The following MLLT10 variants were observed in gnomAD, a reference collection of about 807,000 sequenced individuals.
MLLT10 encodes MLLT10 histone lysine methyltransferase DOT1L cofactor, also known as protein AF-10.
A neutral mutation model predicts 129.1 loss-of-function variants in MLLT10; 30 were observed. That is an observed-to-expected ratio of 0.23 (90% CI 0.17 to 0.32). MLLT10 has a LOEUF of 0.32. Among genes scored for constraint, MLLT10 ranks in the 10% least tolerant of loss-of-function variants. The pLI, the probability that MLLT10 is intolerant of heterozygous loss-of-function variation, is 1.00. For synonymous variants in MLLT10, 490 were observed against 446.4 expected (o/e 1.10, Z -1.23); for missense variants, 1,119 against 1,268.3 (o/e 0.88, Z 1.79).
intron 3 of MLLT10, among the ~76,000 whole-genome samples, chr10:21,585,822 C>T (rs1043663989): frequency 4.6e-5 from 7 of 152,142 alleles, no homozygotes; most frequent in African/African-American, 1.4e-4. Flanking sequence ...AGTGCAATGG[C>T]GCGATCTTGG....
intron 6 of MLLT10, among the ~76,000 whole-genome samples, chr10:21,614,599 G>A (rs1393501156): frequency 2.0e-5 from 3 of 152,160 alleles, no homozygotes; most frequent in African/African-American, 7.2e-5. Context: ...AATATGAGAT[G>A]TGTGAAGAGT....
intron 8 of MLLT10, chr10:21,626,327 G>C (rs1220933787): frequency 3.0e-5 from 26 of 872,494 alleles, no homozygotes; most frequent in Non-Finnish European, 4.7e-5. Flanking sequence ...GTGAGAACCA[G>C]TGCAAGGCAT....
In MLLT10 at chr10:21,619,960, T is replaced by C. The variant is rs529083593; in HGVS notation, c.699+2753T>C. 1.0e-3 allele frequency among the ~76,000 whole-genome samples: 152 copies of C among 150,818 alleles called. 1 individual carries two copies. The highest frequency in any genetic ancestry group is 3.5e-3 in the African/African-American group (145 of 41,072). ...TTTTTTTTTTTTTTGTCGCTTAGGC[T>C]GGAGTGTCGCCCAGGCTGGAGTGCA... is the stretch of plus-strand genomic sequence containing the variant. On this transcript the variant is annotated intron_variant, in intron 8 of 22. Transcript: ENST00000307729.
intron 3 of MLLT10, chr10:21,557,024 C>T: frequency 6.9e-7 from 1 of 1,459,022 alleles, no homozygotes; most frequent in Non-Finnish European, 9.0e-7. Context: ...AAGTACTAGT[C>T]TTCAGTCTAT....
In MLLT10 at chr10:21,714,248, C is replaced by T. The variant is rs1178647800; in HGVS notation, c.1878+298C>T. 2.0e-5 allele frequency among the ~76,000 whole-genome samples: 3 copies of T among 151,688 alleles called. No homozygotes were observed. In the East Asian group the frequency reaches 5.8e-4, roughly 29 times the overall value. ...TATTCTTTCTTTAAAAAAGTAGGAC[C>T]CACAAAATATGAGCAAGTTTTGGAC... is the stretch of plus-strand genomic sequence containing the variant. On this transcript the variant is annotated intron_variant, in intron 14 of 22. Coordinates refer to ENST00000307729, the MANE Select transcript of MLLT10 (RefSeq NM_001195626.3).
In MLLT10 at chr10:21,673,634, C is replaced by T. The variant is rs369067723; in HGVS notation, c.1336C>T (p.Pro446Ser). 15 of 1,613,966 alleles carry T rather than the reference C, an allele frequency of 9.3e-6. No individual in the cohort carries two copies. In the African/African-American group the frequency reaches 1.9e-4, roughly 20 times the overall value. Residue 446 changes from proline to serine, a missense_variant, in exon 11 of 23, where the codon CCT (proline) becomes TCT (serine). Physicochemically the swap from Pro to Ser is moderately conservative, Grantham distance 74. Transcript: ENST00000307729. ...SPGDLGNSSL[P>S]TAGYKRAQTS... ...TGGAGATTTGGGTAATTCCAGCCTT[C>T]CTACAGCAGGATATAAGCGGGCTCA... is the stretch of plus-strand genomic sequence containing the variant.
chr10:21,626,095 T>C, intron 8 of MLLT10: 1 of 1,606,960 alleles, frequency 6.2e-7, no homozygotes, highest in Admixed American at 1.7e-5. Flanking sequence ...TTGTGGACTC[T>C]TGCACCTAGC....
At chr10:21,723,049 CCCGTTTGGGA>C (rs1456193568) in intron 14 of MLLT10, among the ~76,000 whole-genome samples, 2 of 152,122 alleles carry the variant, frequency 1.3e-5, no homozygotes, top group East Asian at 3.8e-4. Flanking sequence ...TTTTAGCTAA[CCCGTTTGGGA>C]AATTGGTCAT....
intron 13 of MLLT10, among the ~76,000 whole-genome samples, chr10:21,684,783 G>A (rs925721175): frequency 3.9e-5 from 6 of 152,068 alleles, no homozygotes; most frequent in Admixed American, 6.6e-5. Flanking sequence ...TCTTCATCTC[G>A]TTGTAATCTG....
chr10:21,544,447 T>A, intron 3 of MLLT10, among the ~76,000 whole-genome samples: 1 of 152,136 alleles, frequency 6.6e-6, no homozygotes, highest in Non-Finnish European at 1.5e-5. Context: ...GGACTGGGGA[T>A]AGCTAACTTC....
chr10:21,726,381 TA>T, intron 15 of MLLT10, 26 bp downstream of exon 15: 1 of 1,504,618 alleles, frequency 6.6e-7, no homozygotes. Flanking sequence ...TTACTAACTC[TA>T]AAACCCTACT....
At chr10:21,579,996 TG>T (rs1477044580) in intron 3 of MLLT10, among the ~76,000 whole-genome samples, 28 of 152,084 alleles carry the variant, frequency 1.8e-4, no homozygotes, top group African/African-American at 6.7e-4. Context: ...AAAAATTCTT[TG>T]TTTTTTTGTT....
chr10:21,587,964 T>G (rs953450430), intron 4 of MLLT10, among the ~76,000 whole-genome samples: 4 of 152,234 alleles, frequency 2.6e-5, no homozygotes, highest in African/African-American at 9.6e-5. Context: ...ACTTATTTAC[T>G]CCCTCCATCT....
chr10:21,544,924 T>A (rs939327402), intron 3 of MLLT10, among the ~76,000 whole-genome samples: 2 of 152,214 alleles, frequency 1.3e-5, no homozygotes, highest in African/African-American at 4.8e-5. Flanking sequence ...GGCGGGCGGA[T>A]CACCTGAGAT....
intron 9 of MLLT10, 71 bp from the exon 10 acceptor site, chr10:21,670,378 G>C (rs1328603237): frequency 2.1e-6 from 3 of 1,409,434 alleles, no homozygotes; most frequent in Non-Finnish European, 2.9e-6. Flanking sequence ...TTATTAATGT[G>C]GCACCCATTG....
intron 8 of MLLT10, among the ~76,000 whole-genome samples, chr10:21,651,087 G>C (rs1332393510): frequency 6.8e-6 from 1 of 147,500 alleles, no homozygotes; most frequent in Non-Finnish European, 1.5e-5. Flanking sequence ...GTTTTGTTTT[G>C]TTGAGACGGA....
chr10:21,561,000 G>A (rs562876402), intron 3 of MLLT10, among the ~76,000 whole-genome samples: 2 of 152,192 alleles, frequency 1.3e-5, no homozygotes, highest in African/African-American at 2.4e-5. Flanking sequence ...ATTCCAGACC[G>A]TTCTTAGATA....
chr10:21,726,681 CTTTTTTT>C (rs35036202), intron 15 of MLLT10, among the ~76,000 whole-genome samples: 13 of 87,588 alleles, frequency 1.5e-4, no homozygotes, highest in South Asian at 5.0e-4. Context: ...TAGCAATGTC[CTTTTTTT>C]TTTTTTTTTT....
chr10:21,580,541 A>G (rs1056060587), intron 3 of MLLT10, among the ~76,000 whole-genome samples: 19 of 152,074 alleles, frequency 1.2e-4, no homozygotes, highest in Non-Finnish European at 2.4e-4. Context: ...GGCGCCCGCC[A>G]CCACGCCTGG....
Sources: allele counts gnomAD v4.1 joint callset (sites outside exome capture counted in the v4.1 genomes callset), GRCh38; gene constraint gnomAD v4.1.1; transcripts MANE v1.5; gene names NCBI Gene and HGNC (gene_info 2026-07-23, HGNC 2026-07-21).